The following SNX13 variants were observed in gnomAD, a reference collection of about 807,000 sequenced individuals.
SNX13 encodes the protein sorting nexin 13.
In SNX13, 45 loss-of-function variants were observed where a neutral mutation model predicts 133.6. The ratio of observed to expected loss-of-function variants is 0.34; its 90% confidence interval spans 0.27 to 0.43. The LOEUF (loss-of-function observed/expected upper bound fraction) is 0.43. Among genes scored for constraint, SNX13 ranks in the 20% least tolerant of loss-of-function variants. The probability of loss-of-function intolerance (pLI) is 1.00; values close to 1 mark genes in which losing one functional copy is unlikely to be tolerated. For missense variants in SNX13, 1,032 were observed against 1,145.1 expected, an observed-to-expected ratio of 0.90 and a Z score of 1.43; for synonymous variants, 414 against 373.9, an observed-to-expected ratio of 1.11 and a Z score of -1.24.
intron 18 of SNX13, among the ~76,000 whole-genome samples, chr7:17,818,996 G>A (rs1402464166): frequency 2.0e-5 from 3 of 152,124 alleles, no homozygotes; most frequent in Non-Finnish European, 4.4e-5. Context: ...CAAGCTCTTA[G>A]AGGCAAGGAC....
chr7:17,864,794 G>A (rs1793168326), intron 9 of SNX13, among the ~76,000 whole-genome samples: 1 of 150,164 alleles, frequency 6.7e-6, no homozygotes, highest in East Asian at 2.0e-4. Context: ...GGAGAAGGGG[G>A]AGGGGAAAGG....
At chr7:17,800,769 C>G (rs763596751) in intron 22 of SNX13, among the ~76,000 whole-genome samples, 3 of 151,190 alleles carry the variant, frequency 2.0e-5, no homozygotes, top group Non-Finnish European at 4.4e-5. Context: ...TCTTGACAGA[C>G]GCATAAGACA....
In SNX13 at chr7:17,829,991, T is replaced by C; in HGVS notation, c.1635+19A>G. On this transcript the variant is annotated intron_variant, in intron 16 of 25. Coordinates refer to ENST00000428135, the MANE Select transcript of SNX13 (RefSeq NM_015132.5). Reference sequence around the variant, plus strand: ...TTATTTTCAAGTCACTTTAATAAAGTACCCATAATAGTACTTACCAAATTT... The same window carrying C: ...TTATTTTCAAGTCACTTTAATAAAGCACCCATAATAGTACTTACCAAATTT... The C allele has an allele frequency of 2.0e-6, 3 of 1,495,300 alleles. No individual in the cohort carries two copies. The highest frequency in any genetic ancestry group is 2.7e-6 in the Non-Finnish European group (3 of 1,105,232). The allele number at this position is 1,495,300 out of a possible 1,614,324, so 92.6% of individuals were successfully genotyped here.
intron 15 of SNX13, chr7:17,832,223 T>C: frequency 1.0e-6 from 1 of 984,548 alleles, no homozygotes. Flanking sequence ...GTACAGTGTA[T>C]GATTTTAGGA....
chr7:17,875,529 C>T lies in SNX13; in HGVS notation c.615G>A (p.Glu205=), dbSNP rs770633477. 1 of 1,610,614 alleles carries T rather than the reference C, an allele frequency of 6.2e-7. No individual in the cohort carries two copies. The highest frequency in any genetic ancestry group is 1.1e-5 in the South Asian group (1 of 90,828). The change falls in exon 7 of 26, where the codon GAG becomes GAA. Residue 205 remains glutamate, a synonymous_variant. Transcript: ENST00000428135. ...ACACTAGATCACGGCAAACCTCCTT[C>T]TCCATTTCAACTTCAACTTCAAAGA... The part of the protein sequence containing the change: ...DTFFEVEVEM[E]KEVCRDLVCT...
At chr7:17,881,343 C>G (rs887493738) in intron 5 of SNX13, 1 of 151,312 alleles carries the variant, frequency 6.6e-6, no homozygotes, top group Non-Finnish European at 1.5e-5. Flanking sequence ...TACACAAACA[C>G]ACACACACAC....
intron 9 of SNX13, among the ~76,000 whole-genome samples, chr7:17,858,319 A>C (rs1262856673): frequency 6.6e-6 from 1 of 152,154 alleles, no homozygotes; most frequent in African/African-American, 2.4e-5. Context: ...ATCAACATAT[A>C]ATACTGAGTA....
chr7:17,869,865 C>G (rs1182582591), intron 8 of SNX13, among the ~76,000 whole-genome samples: 1 of 133,954 alleles, frequency 7.5e-6, no homozygotes, highest in Non-Finnish European at 1.6e-5. Flanking sequence ...AGAAAATTTA[C>G]TCACACACAC....
At chr7:17,807,737 T>C (rs1281574208) in intron 20 of SNX13, among the ~76,000 whole-genome samples, 1 of 152,058 alleles carries the variant, frequency 6.6e-6, no homozygotes, top group Non-Finnish European at 1.5e-5. Context: ...ATCTGGAGAG[T>C]GCCCCTCTGG....
chr7:17,863,069 C>G (rs1253746135), intron 9 of SNX13, among the ~76,000 whole-genome samples: 1 of 152,164 alleles, frequency 6.6e-6, no homozygotes, highest in Non-Finnish European at 1.5e-5. Flanking sequence ...TGCTTTGAAA[C>G]TGAGAACTGC....
chr7:17,845,127 GGGAGAA>G (rs1313309807), intron 12 of SNX13, among the ~76,000 whole-genome samples: 1 of 147,712 alleles, frequency 6.8e-6, no homozygotes, highest in Non-Finnish European at 1.5e-5. Flanking sequence ...AAGAGGTAAG[GGGAGAA>G]GCAAGTGTGT....
chr7:17,875,838 GA>G lies in SNX13; in HGVS notation c.441-49del, dbSNP rs951259693. The G allele has an allele frequency of 3.5e-6, 5 of 1,425,220 alleles. No homozygotes were observed. In the African/African-American group the frequency reaches 7.2e-5, roughly 21 times the overall value. 88.3% of individuals were successfully genotyped at this position (1,425,220 alleles called of 1,614,324 possible). On this transcript the variant is annotated intron_variant, in intron 5 of 25. Coordinates refer to ENST00000428135, the MANE Select transcript of SNX13 (RefSeq NM_015132.5). Reference sequence around the variant, plus strand: ...AAAGGATTATATAAATGCTTTATCAGAAAATATAAATTCATTTTAATGACTA... The same window carrying G: ...AAAGGATTATATAAATGCTTTATCAGAAATATAAATTCATTTTAATGACTA...
At position 17,793,063 on chromosome 7, in the gene SNX13, G is replaced by C. The variant is rs749796954; in HGVS notation, c.*982C>G. Reference sequence around the variant, plus strand: ...TCTGTATGTTTACTATGACTAATAAGCTCATTAATCATTTAATTTGCTATT... The same window carrying C: ...TCTGTATGTTTACTATGACTAATAACCTCATTAATCATTTAATTTGCTATT... On this transcript the variant is annotated 3_prime_UTR_variant, in exon 26 of 26. Coordinates refer to ENST00000428135, the MANE Select transcript of SNX13 (RefSeq NM_015132.5). 18 of 151,848 alleles carry C rather than the reference G, an allele frequency of 1.2e-4. No individual in the cohort carries two copies. The highest frequency in any genetic ancestry group is 3.0e-5 in the Non-Finnish European group (2 of 67,750). 9.4% of individuals were successfully genotyped at this position (151,848 alleles called of 1,614,324 possible). A position where few individuals can be genotyped will look rare whatever the true frequency, so the allele number is the denominator to read the frequency against.
At chr7:17,842,346 T>C (rs1161163230) in intron 12 of SNX13, among the ~76,000 whole-genome samples, 1 of 152,022 alleles carries the variant, frequency 6.6e-6, no homozygotes, top group Non-Finnish European at 1.5e-5. Flanking sequence ...GTCAACCAAG[T>C]TCCTATATCT....
chr7:17,831,220 G>A (rs1040495202), intron 15 of SNX13: 16 of 983,770 alleles, frequency 1.6e-5, no homozygotes, highest in East Asian at 1.1e-4. Flanking sequence ...AATCTTGGTC[G>A]ACATTTAATC....
chr7:17,865,667 C>A (rs1793310416), intron 9 of SNX13, among the ~76,000 whole-genome samples: 1 of 151,952 alleles, frequency 6.6e-6, no homozygotes, highest in Non-Finnish European at 1.5e-5. Flanking sequence ...CACAAAAGAC[C>A]CAGAATAGCC....
At chr7:17,832,777 T>C (rs903875881) in intron 15 of SNX13, among the ~76,000 whole-genome samples, 11 of 151,492 alleles carry the variant, frequency 7.3e-5, no homozygotes, top group Admixed American at 1.3e-4. Context: ...AGTAAACTTA[T>C]AGAGTATTAA....
chr7:17,853,623 A>G (rs1369827398), intron 9 of SNX13, among the ~76,000 whole-genome samples: 1 of 152,232 alleles, frequency 6.6e-6, no homozygotes, highest in Non-Finnish European at 1.5e-5. Flanking sequence ...TTCAGAGAAT[A>G]AAAAGCTCAG....
chr7:17,812,762 T>TA (rs1554308075), intron 20 of SNX13, among the ~76,000 whole-genome samples: 1 of 152,134 alleles, frequency 6.6e-6, no homozygotes, highest in Non-Finnish European at 1.5e-5. Context: ...CCATTGATGA[T>TA]AGACTGGATA....
Sources: allele counts gnomAD v4.1 joint callset (sites outside exome capture counted in the v4.1 genomes callset), GRCh38; gene constraint gnomAD v4.1.1; transcripts MANE v1.5; gene names NCBI Gene and HGNC (gene_info 2026-07-23, HGNC 2026-07-21).